CCBE1: variants seen among roughly 807,000 people sequenced by gnomAD.
CCBE1 encodes the protein collagen and calcium binding EGF domains 1, also known as collagen and calcium-binding EGF domain-containing protein 1.
Under a neutral mutation model 50.0 loss-of-function variants are expected in CCBE1, and 37 were observed. That is an observed-to-expected ratio of 0.74 (90% CI 0.57 to 0.97). CCBE1 has a LOEUF of 0.97. Ranked by LOEUF, CCBE1 falls within the 50% of genes least tolerant of loss-of-function variation. The pLI is 0.00. For synonymous variants in CCBE1, 234 were observed against 203.7 expected (o/e 1.15, Z -1.27); for missense variants, 538 against 523.8 (o/e 1.03, Z -0.26).
chr18:59,584,318 G>A (rs182132500), intron 2 of CCBE1, among the ~76,000 whole-genome samples: 4 of 144,316 alleles, frequency 2.8e-5, no homozygotes, highest in East Asian at 4.3e-4. Flanking sequence ...CATGGACACA[G>A]GAAAGGGAAC....
chr18:59,654,134 A>T (rs1325053212), intron 2 of CCBE1, among the ~76,000 whole-genome samples: 1 of 152,234 alleles, frequency 6.6e-6, no homozygotes, highest in Non-Finnish European at 1.5e-5. Flanking sequence ...TGATGGGATA[A>T]ACAGTGAAGA....
At chr18:59,481,378 G>A (rs146867074) in intron 2 of CCBE1, among the ~76,000 whole-genome samples, 5 of 152,230 alleles carry the variant, frequency 3.3e-5, no homozygotes, top group South Asian at 4.1e-4. Context: ...AGAGGGAGAG[G>A]AGACAGTAAA....
chr18:59,626,296 G>A (rs921012596), intron 2 of CCBE1, among the ~76,000 whole-genome samples: 1 of 152,172 alleles, frequency 6.6e-6, no homozygotes, highest in African/African-American at 2.4e-5. Context: ...AAACCACCTC[G>A]CAATGCATCT....
chr18:59,578,746 AATG>A (rs2053039482), intron 2 of CCBE1, among the ~76,000 whole-genome samples: 1 of 152,206 alleles, frequency 6.6e-6, no homozygotes, highest in African/African-American at 2.4e-5. Flanking sequence ...GGAGTTGAAC[AATG>A]AGAACACATG....
chr18:59,446,197 C>A (rs941264572), intron 7 of CCBE1, among the ~76,000 whole-genome samples: 4 of 152,212 alleles, frequency 2.6e-5, no homozygotes, highest in African/African-American at 7.2e-5. Context: ...ACAGCTCAAA[C>A]CATGTTACAA....
intron 2 of CCBE1, among the ~76,000 whole-genome samples, chr18:59,664,206 C>T (rs2054322399): frequency 2.6e-5 from 4 of 152,102 alleles, no homozygotes; most frequent in Non-Finnish European, 5.9e-5. Flanking sequence ...AAATCCCATT[C>T]ATTAGGGCTC....
At position 59,466,771 on chromosome 18, in the gene CCBE1, C is replaced by T; in HGVS notation, c.521G>A (p.Cys174Tyr). ...ATTGGGATATTTGTCTCCCCTGGTA[C>T]ATGTCTTCCCATCATCTTCCCGGAT... ...GYIREDDGKTCTRGDKYPNDT... is the reference protein window; with the variant it reads ...GYIREDDGKTYTRGDKYPNDT... Residue 174 changes from cysteine to tyrosine, a missense_variant, in exon 5 of 11, where the codon TGT becomes TAT. Coordinates refer to ENST00000439986, the MANE Select transcript of CCBE1 (RefSeq NM_133459.4). 6.2e-7 allele frequency: 1 copy of T among 1,613,566 alleles called. No homozygotes were observed. Among genetic ancestry groups the T allele is most frequent in the Non-Finnish European group, 8.5e-7 (1 of 1,179,868 alleles).
intron 3 of CCBE1, among the ~76,000 whole-genome samples, chr18:59,478,499 T>C (rs966619759): frequency 1.3e-5 from 2 of 152,202 alleles, no homozygotes; most frequent in African/African-American, 4.8e-5. Context: ...AGCAGATAAT[T>C]AGCTCTGGCA....
intron 2 of CCBE1, among the ~76,000 whole-genome samples, chr18:59,550,122 C>T (rs1482364066): frequency 6.6e-6 from 1 of 152,098 alleles, no homozygotes; most frequent in African/African-American, 2.4e-5. Context: ...TACCTGGAGA[C>T]TGTGTCATCA....
chr18:59,636,494 C>T (rs1362961471), intron 2 of CCBE1, among the ~76,000 whole-genome samples: 1 of 152,144 alleles, frequency 6.6e-6, no homozygotes, highest in Non-Finnish European at 1.5e-5. Context: ...CTTAAGAGTT[C>T]CAAGGAATTC....
At chr18:59,485,229 CT>C (rs1174090797) in intron 2 of CCBE1, among the ~76,000 whole-genome samples, 1 of 152,152 alleles carries the variant, frequency 6.6e-6, no homozygotes, top group Non-Finnish European at 1.5e-5. Flanking sequence ...GAGTTTCCCC[CT>C]GGGTGCCCCT....
chr18:59,543,820 G>A (rs1429163044), intron 2 of CCBE1, among the ~76,000 whole-genome samples: 1 of 116,212 alleles, frequency 8.6e-6, no homozygotes, highest in East Asian at 2.5e-4. Flanking sequence ...GGGAGATAGA[G>A]CGAGACTCCG....
intron 2 of CCBE1, among the ~76,000 whole-genome samples, chr18:59,671,189 T>C (rs1462055932): frequency 6.6e-6 from 1 of 151,796 alleles, no homozygotes; most frequent in African/African-American, 2.4e-5. Context: ...GCCATTTGAG[T>C]ACCCTACAAT....
chr18:59,515,126 G>T (rs895606333), intron 2 of CCBE1, among the ~76,000 whole-genome samples: 1 of 152,152 alleles, frequency 6.6e-6, no homozygotes, highest in Non-Finnish European at 1.5e-5. Context: ...CAACAAGAAG[G>T]GTAGGAAGAA....
intron 2 of CCBE1, among the ~76,000 whole-genome samples, chr18:59,570,326 G>T (rs1027290299): frequency 6.6e-6 from 1 of 152,130 alleles, no homozygotes; most frequent in Non-Finnish European, 1.5e-5. Flanking sequence ...GACACAAAAC[G>T]TTTAGTGAGG....
chr18:59,459,985 G>A (rs191514169), intron 5 of CCBE1, among the ~76,000 whole-genome samples: 8 of 152,258 alleles, frequency 5.3e-5, no homozygotes, highest in East Asian at 1.9e-4. Context: ...TCACGGTCAC[G>A]TTATCAGAAA....
At chr18:59,495,612 T>G (rs1170608905) in intron 2 of CCBE1, among the ~76,000 whole-genome samples, 1 of 151,930 alleles carries the variant, frequency 6.6e-6, no homozygotes, top group Non-Finnish European at 1.5e-5. Flanking sequence ...GCTTGCCTTT[T>G]TTTTTTTTTT....
At chr18:59,449,664 CCTGA>C (rs1403661557) in intron 6 of CCBE1, among the ~76,000 whole-genome samples, 12 of 151,526 alleles carry the variant, frequency 7.9e-5, no homozygotes, top group Admixed American at 7.9e-4. Context: ...GGGGGCTGCT[CCTGA>C]CTTTGTTCCT....
intron 9 of CCBE1, 43 bp downstream of exon 9, chr18:59,439,500 A>G (rs1184024702): frequency 1.9e-6 from 3 of 1,612,738 alleles, no homozygotes; most frequent in Non-Finnish European, 2.5e-6. Flanking sequence ...AAAAATCGAA[A>G]GTGAGAGACC....
Sources: gnomAD v4.1 joint callset for allele counts (sites outside exome capture counted in the v4.1 genomes callset) on GRCh38, gnomAD v4.1.1 for gene constraint, MANE v1.5 for transcripts, NCBI Gene and HGNC (gene_info 2026-07-23, HGNC 2026-07-21) for gene names.